The following APC2 variants were observed in gnomAD, a reference collection of about 807,000 sequenced individuals.
APC2 encodes APC regulator of Wnt signaling pathway 2, also known as adenomatous polyposis coli protein 2.
In APC2, 41 loss-of-function variants were observed where a neutral mutation model predicts 72.5. The observed-to-expected ratio is 0.57, with a 90% confidence interval of 0.44 to 0.73. APC2 has a LOEUF of 0.73. APC2 is among the 30% of genes least tolerant of loss of function. The pLI is 0.00. For synonymous variants in APC2, 1,898 were observed against 1,612.0 expected (o/e 1.18, Z -4.25); for missense variants, 3,729 against 3,403.4 (o/e 1.10, Z -2.38).
intron 14 of APC2, among the ~76,000 whole-genome samples, chr19:1,464,231 C>T (rs1276625246): frequency 6.6e-6 from 1 of 151,778 alleles, no homozygotes; most frequent in Non-Finnish European, 1.5e-5. Context: ...CTCGCTTGAA[C>T]CCAGGAGGTG....
At chr19:1,457,523 T>C in intron 9 of APC2, 1 of 538,378 alleles carries the variant, frequency 1.9e-6, no homozygotes, top group Non-Finnish European at 3.2e-6. Context: ...GATTCTTTTT[T>C]TGCAGTTGAT....
In APC2 at chr19:1,466,453, C is replaced by T; in HGVS notation, c.3152C>T (p.Ala1051Val). 1 of 1,597,894 alleles carries T rather than the reference C, an allele frequency of 6.3e-7. No individual in the cohort carries two copies. The highest frequency in any genetic ancestry group is 8.5e-7 in the Non-Finnish European group (1 of 1,179,386). ...CTGGCGGCTGCCCCGCTGTCTGTGG[C>T]CAGCAAGGCACTGCAGAAACTGGCG... is the stretch of plus-strand genomic sequence containing the variant. Reference protein sequence around the residue: ...EKLAAAPLSVASKALQKLAAQ... With the variant: ...EKLAAAPLSVVSKALQKLAAQ... The change falls in exon 15 of 15, where the codon GCC becomes GTC. Residue 1051 changes from alanine (A) to valine (V), a missense_variant. By Grantham distance (64) the Ala-to-Val change is moderately conservative (BLOSUM62 0). Coordinates refer to ENST00000590469, the MANE Select transcript of APC2 (RefSeq NM_005883.3).
rs753474102 is a variant in APC2, at chr19:1,468,467, C to T, written c.5166C>T (p.Ser1722=). The change falls in exon 15 of 15, where the codon TCC becomes TCT. Residue 1722 remains serine (S), a synonymous_variant. Transcript: ENST00000590469. ...CCGACTCCATCCTGTCCTTCGTATCCGGGCTGTCAGTGGGATCCACCCTAC... is the reference window on the plus strand; with the variant it reads ...CCGACTCCATCCTGTCCTTCGTATCTGGGCTGTCAGTGGGATCCACCCTAC... ...SESDSILSFV[S]GLSVGSTLQP... is the part of the protein sequence containing the mutation. 6 of 1,600,668 alleles carry T rather than the reference C, an allele frequency of 3.7e-6. No homozygotes were observed. The Admixed American group carries it at 5.1e-5, about 14-fold the overall frequency.
In APC2 at chr19:1,469,826, G is replaced by A; in HGVS notation, c.6525G>A (p.Glu2175=). 1.3e-6 allele frequency: 2 copies of A among 1,520,634 alleles called. No individual in the cohort carries two copies. The highest frequency in any genetic ancestry group is 1.8e-6 in the Non-Finnish European group (2 of 1,141,282). The allele number at this position is 1,520,634 out of a possible 1,614,324, so 94.2% of individuals were successfully genotyped here. A position where few individuals can be genotyped will look rare whatever the true frequency, so the allele number is the denominator to read the frequency against. The change falls in exon 15 of 15, where the codon GAG becomes GAA. Residue 2175 remains glutamate (E), a synonymous_variant. Transcript: ENST00000590469. ...TGCCACTGCGGGGCTCCACGCCCGA[G>A]GACGCCCCGGCCGGGCCCCCGCCGC... The part of the protein sequence containing the change: ...TALPLRGSTP[E]DAPAGPPPRK...
At position 1,467,666 on chromosome 19, in the gene APC2, T is replaced by C; in HGVS notation, c.4365T>C (p.Ser1455=). ...GCGCCGGCCGCAGCGCGGAGCAGTCTCGGGGCGCGGGCAAGAACAGAGCAG... is the reference window on the plus strand; with the variant it reads ...GCGCCGGCCGCAGCGCGGAGCAGTCCCGGGGCGCGGGCAAGAACAGAGCAG... ...AGGAGRSAEQ[S]RGAGKNRAGL... Residue 1455 remains serine, a synonymous_variant, in exon 15 of 15, where the codon TCT becomes TCC. Coordinates refer to ENST00000590469, the MANE Select transcript of APC2 (RefSeq NM_005883.3). The C allele has an allele frequency of 6.8e-7, 1 of 1,478,694 alleles. No individual in the cohort carries two copies. The highest frequency in any genetic ancestry group is 8.9e-7 in the Non-Finnish European group (1 of 1,122,780). The allele number at this position is 1,478,694 out of a possible 1,614,324, so 91.6% of individuals were successfully genotyped here.
In APC2 at chr19:1,468,641, C is replaced by A; in HGVS notation, c.5340C>A (p.Thr1780=). ...AGAAGCCACGTGGCACACAGAAGAC[C>A]ACGCCCGGGGTGCCAGCTGTGCTCC... The part of the protein sequence containing the change: ...GPEKPRGTQK[T]TPGVPAVLRG... Residue 1780 remains threonine, a synonymous_variant, in exon 15 of 15, where the codon ACC becomes ACA. Coordinates refer to ENST00000590469, the MANE Select transcript of APC2 (RefSeq NM_005883.3). 6.3e-7 allele frequency: 1 copy of A among 1,596,250 alleles called. No homozygotes were observed. Among genetic ancestry groups the A allele is most frequent in the Non-Finnish European group, 8.5e-7 (1 of 1,170,274 alleles).
At chr19:1,446,620 T>A (rs956639257), upstream of APC2, among the ~76,000 whole-genome samples, 5 of 151,968 alleles carry the variant, frequency 3.3e-5, no homozygotes, top group African/African-American at 1.2e-4. The surrounding 1 kb of genome is among the most constrained non-coding windows in gnomAD (Gnocchi z 6.1). Flanking sequence ...CCTCGGCCTC[T>A]GCAGGAGACC....
chr19:1,449,632 C>T (rs2083719138), upstream of APC2, among the ~76,000 whole-genome samples: 1 of 152,070 alleles, frequency 6.6e-6, no homozygotes, highest in African/African-American at 2.4e-5. Context: ...GTGGCCCTGC[C>T]CCTCCTCCCC....
Position 1,469,843 on chromosome 19 carries a change from C to T in APC2, c.6542C>T (p.Pro2181Leu). Reference protein sequence around the residue: ...GSTPEDAPAGPPPRKTSDAVV... With the variant: ...GSTPEDAPAGLPPRKTSDAVV... ...ACGCCCGAGGACGCCCCGGCCGGGC[C>T]CCCGCCGCGCAAGACCAGCGACGCC... Residue 2181 changes from proline to leucine, a missense_variant, in exon 15 of 15, where the codon CCC (proline) becomes CTC (leucine). Transcript: ENST00000590469. The T allele has an allele frequency of 6.6e-7, 1 of 1,520,528 alleles. No homozygotes were observed. The highest frequency in any genetic ancestry group is 8.8e-7 in the Non-Finnish European group (1 of 1,141,166). 94.2% of individuals were successfully genotyped at this position (1,520,528 alleles called of 1,614,324 possible).
intron 9 of APC2, 37 bp downstream of exon 9, chr19:1,457,280 T>G (rs2083849032): frequency 6.7e-7 from 1 of 1,484,794 alleles, no homozygotes; most frequent in Non-Finnish European, 8.9e-7. Context: ...TCCGCGCAAT[T>G]AACGTGCAGC....
intron 14 of APC2, among the ~76,000 whole-genome samples, chr19:1,462,537 C>T (rs907594582): frequency 1.3e-4 from 20 of 151,510 alleles, no homozygotes; most frequent in Admixed American, 1.3e-3. Context: ...CACCTGTAAT[C>T]CCAGCTACTC....
Position 1,465,864 on chromosome 19 carries a change from G to T in APC2, c.2563G>T (p.Asp855Tyr). 3 of 1,567,192 alleles carry T rather than the reference G, an allele frequency of 1.9e-6. No individual in the cohort carries two copies. Among genetic ancestry groups the T allele is most frequent in the Non-Finnish European group, 2.6e-6 (3 of 1,158,898 alleles). Reference sequence around the variant, plus strand: ...GCTGGCGCTTGCAGTGGCGCGCATCGACCAGCTGGTGGAGGACATCTCCGC... The same window carrying T: ...GCTGGCGCTTGCAGTGGCGCGCATCTACCAGCTGGTGGAGGACATCTCCGC... Reference protein sequence around the residue: ...AKLALAVARIDQLVEDISALH... With the variant: ...AKLALAVARIYQLVEDISALH... The change falls in exon 15 of 15, where the codon GAC (aspartate) becomes TAC (tyrosine). Residue 855 changes from aspartate to tyrosine, a missense_variant. Asp to Tyr is a radical substitution (Grantham distance 160, BLOSUM62 -3). Transcript: ENST00000590469.
Position 1,469,959 on chromosome 19 carries a change from G to A in APC2, c.6658G>A (p.Gly2220Ser). 6.6e-7 allele frequency: 1 copy of A among 1,513,228 alleles called. No homozygotes were observed. The highest frequency in any genetic ancestry group is 8.8e-7 in the Non-Finnish European group (1 of 1,137,330). The allele number at this position is 1,513,228 out of a possible 1,614,324, so 93.7% of individuals were successfully genotyped here. The stretch of plus-strand genomic sequence containing the variant: ...CAGGGAGCCCCCCGGGGCCCCCGCC[G>A]GCGGCCAGCTCTCCCTCCTCGGCAG... ...ETREPPGAPAGGQLSLLGSDV... is the reference protein window; with the variant it reads ...ETREPPGAPASGQLSLLGSDV... Residue 2220 changes from glycine to serine, a missense_variant, in exon 15 of 15, where the codon GGC (glycine) becomes AGC (serine). Physicochemically the swap from Gly to Ser is moderately conservative, Grantham distance 56. Coordinates refer to ENST00000590469, the MANE Select transcript of APC2 (RefSeq NM_005883.3).
intron 4 of APC2, among the ~76,000 whole-genome samples, chr19:1,454,364 C>CT (rs11305729): frequency 0.011 from 1,611 of 142,916 alleles, 30 homozygotes; most frequent in African/African-American, 0.037. Flanking sequence ...ATTGCTTTCT[C>CT]TTTTTTTTTT....
rs2084086315 is a variant in APC2 at position 1,469,224 on chromosome 19, G to A, written c.5923G>A (p.Val1975Met). 26 of 1,410,956 alleles carry A rather than the reference G, an allele frequency of 1.8e-5. No homozygotes were observed. In the East Asian group the frequency reaches 7.5e-4, roughly 41 times the overall value. The allele number at this position is 1,410,956 out of a possible 1,614,324, so 87.4% of individuals were successfully genotyped here. A position where few individuals can be genotyped will look rare whatever the true frequency, so the allele number is the denominator to read the frequency against. ...CGGGGGCCGCCTGGGCCTGGTGCGT[G>A]TGGCCTCAGCCCTCTCCAGCGGCAG... is the stretch of plus-strand genomic sequence containing the variant. ...ARGGRLGLVR[V>M]ASALSSGSES... The change falls in exon 15 of 15, where the codon GTG (valine) becomes ATG (methionine). Residue 1975 changes from valine (V) to methionine (M), a missense_variant. Coordinates refer to ENST00000590469, the MANE Select transcript of APC2 (RefSeq NM_005883.3).
intron 12 of APC2, 47 bp from the exon 13 acceptor site, chr19:1,460,990 G>A: frequency 6.2e-7 from 1 of 1,606,234 alleles, no homozygotes; most frequent in South Asian, 1.1e-5. Flanking sequence ...GGGGGTTTGG[G>A]GGGCCTGGAC....
At chr19:1,456,505 C>G in intron 8 of APC2, 101 bp downstream of exon 8, 6 of 1,231,136 alleles carry the variant, frequency 4.9e-6, no homozygotes, top group Middle Eastern at 2.8e-4. Flanking sequence ...ATGCCTCCAT[C>G]CAGCACCCCC....
At position 1,460,203 on chromosome 19, in the gene APC2, G is replaced by A; in HGVS notation, c.1326G>A (p.Glu442=). The A allele has an allele frequency of 1.9e-6, 3 of 1,613,442 alleles. No individual in the cohort carries two copies. The highest frequency in any genetic ancestry group is 1.1e-5 in the South Asian group (1 of 91,086). ...NELGGLQAVA[E]LLQVDYEMHK... ...CAGGTGGGCTGCAGGCCGTGGCAGAGCTGCTGCAGGTTGACTATGAGATGC... is the reference window on the plus strand; with the variant it reads ...CAGGTGGGCTGCAGGCCGTGGCAGAACTGCTGCAGGTTGACTATGAGATGC... Residue 442 remains glutamate, a synonymous_variant, in exon 11 of 15, where the codon GAG becomes GAA. Coordinates refer to ENST00000590469, the MANE Select transcript of APC2 (RefSeq NM_005883.3).
intron 14 of APC2, among the ~76,000 whole-genome samples, chr19:1,464,737 G>T (rs2083979072): frequency 6.8e-6 from 1 of 147,110 alleles, no homozygotes; most frequent in Non-Finnish European, 1.5e-5. Context: ...GGTTCAAGCA[G>T]TGCTCGTGCC....
Sources: allele counts gnomAD v4.1 joint callset (sites outside exome capture counted in the v4.1 genomes callset), GRCh38; gene constraint gnomAD v4.1.1; non-coding constraint Gnocchi (gnomAD v3.1); transcripts MANE v1.5; gene names NCBI Gene and HGNC (gene_info 2026-07-23, HGNC 2026-07-21).